Variants in CAPN13 observed in about 807,000 individuals in gnomAD.
The protein encoded by CAPN13 is calpain 13.
In CAPN13, 90 loss-of-function variants were observed where a neutral mutation model predicts 98.4. That is an observed-to-expected ratio of 0.92 (90% CI 0.77 to 1.09). The LOEUF (loss-of-function observed/expected upper bound fraction) is 1.09. CAPN13 is among the 50% of genes least tolerant of loss of function. CAPN13 has a pLI of 0.00. For synonymous variants in CAPN13, 330 were observed against 305.5 expected (o/e 1.08, Z -0.84); for missense variants, 887 against 841.3 (o/e 1.05, Z -0.67).
At chr2:30,767,678 T>C (rs569239754) in intron 5 of CAPN13, among the ~76,000 whole-genome samples, 8 of 152,346 alleles carry the variant, frequency 5.3e-5, no homozygotes, top group African/African-American at 1.7e-4. Flanking sequence ...CAAATGCTAA[T>C]GAGCAGCTGT....
At chr2:30,761,237 G>C (rs539891517) in intron 7 of CAPN13, among the ~76,000 whole-genome samples, 1 of 152,308 alleles carries the variant, frequency 6.6e-6, no homozygotes, top group South Asian at 2.1e-4. Flanking sequence ...GTGGAGCAGG[G>C]ATGGATTACA....
chr2:30,745,641 G>A (rs1671869768), intron 12 of CAPN13, 82 bp downstream of exon 12: 3 of 1,415,860 alleles, frequency 2.1e-6, no homozygotes, highest in South Asian at 2.4e-5. Flanking sequence ...AACACGTGGA[G>A]GCCATGGGCG....
At chr2:30,745,508 C>G (rs554385674) in intron 12 of CAPN13, among the ~76,000 whole-genome samples, 2 of 152,300 alleles carry the variant, frequency 1.3e-5, no homozygotes, top group African/African-American at 4.8e-5. Context: ...AGCAAGAGAA[C>G]AGCTCAAAGG....
chr2:30,799,758 T>C (rs1244539634), intron 1 of CAPN13, among the ~76,000 whole-genome samples: 1 of 151,958 alleles, frequency 6.6e-6, no homozygotes, highest in Non-Finnish European at 1.5e-5. Flanking sequence ...GAAGGAAACC[T>C]CTCTCGTGTC....
chr2:30,764,367 G>T, intron 5 of CAPN13, 61 bp from the exon 6 acceptor site: 1 of 1,556,118 alleles, frequency 6.4e-7, no homozygotes, highest in Non-Finnish European at 8.8e-7. Flanking sequence ...TGGGAGGGGA[G>T]CTTGTGCACT....
At chr2:30,800,120 G>GAA (rs1245756016) in intron 1 of CAPN13, among the ~76,000 whole-genome samples, 1 of 70,784 alleles carries the variant, frequency 1.4e-5, no homozygotes, top group Non-Finnish European at 2.9e-5. Flanking sequence ...AGAAAGAAAA[G>GAA]AAAGAAAGAA....
intron 11 of CAPN13, among the ~76,000 whole-genome samples, chr2:30,749,124 C>T (rs1672055462): frequency 6.6e-6 from 1 of 152,272 alleles, no homozygotes; most frequent in Non-Finnish European, 1.5e-5. Context: ...GCTTTTGAGA[C>T]AATGAATGTG....
chr2:30,746,461 A>T (rs1572806971), intron 11 of CAPN13: 1 of 154,894 alleles, frequency 6.5e-6, no homozygotes, highest in Admixed American at 6.5e-5. Flanking sequence ...CTGTGATAAC[A>T]TTAGAGCTGG....
intron 1 of CAPN13, among the ~76,000 whole-genome samples, chr2:30,794,570 G>A (rs957671791): frequency 1.3e-5 from 2 of 151,712 alleles, no homozygotes; most frequent in African/African-American, 4.8e-5. Context: ...AGAAATGAAA[G>A]CATATGTTCA....
intron 1 of CAPN13, among the ~76,000 whole-genome samples, chr2:30,787,947 G>T (rs554889864): frequency 1.3e-5 from 2 of 152,140 alleles, no homozygotes; most frequent in African/African-American, 4.8e-5. Context: ...GAGGGTGTGG[G>T]CAGGGACTGG....
chr2:30,725,159 A>G (rs1670815141), intron 22 of CAPN13, among the ~76,000 whole-genome samples: 1 of 152,210 alleles, frequency 6.6e-6, no homozygotes, highest in Admixed American at 6.5e-5. Context: ...AGACTCTGAA[A>G]TCAATTAAAA....
intron 10 of CAPN13, among the ~76,000 whole-genome samples, chr2:30,752,357 C>T (rs1024348418): frequency 3.3e-5 from 5 of 152,208 alleles, no homozygotes; most frequent in East Asian, 1.9e-4. Context: ...CACTCTTGTT[C>T]GTCTTCACAG....
intron 7 of CAPN13, among the ~76,000 whole-genome samples, chr2:30,759,028 TTCCC>T (rs1208361450): frequency 2.8e-5 from 2 of 72,028 alleles, no homozygotes; most frequent in African/African-American, 1.2e-4. Flanking sequence ...CTATTCTTCC[TTCCC>T]TCCCTCCCTC....
intron 19 of CAPN13, among the ~76,000 whole-genome samples, chr2:30,733,966 C>T (rs898188923): frequency 1.3e-5 from 2 of 152,144 alleles, no homozygotes; most frequent in Non-Finnish European, 2.9e-5. Context: ...CTTATGCACC[C>T]TAAGGAATTA....
chr2:30,785,964 C>T (rs1424138229), intron 2 of CAPN13, among the ~76,000 whole-genome samples: 1 of 152,152 alleles, frequency 6.6e-6, no homozygotes, highest in Non-Finnish European at 1.5e-5. Context: ...TAAGCAGCAT[C>T]CCAAACCCTA....
At chr2:30,749,532 A>G (rs1475909392) in intron 11 of CAPN13, among the ~76,000 whole-genome samples, 1 of 152,188 alleles carries the variant, frequency 6.6e-6, no homozygotes, top group African/African-American at 2.4e-5. Flanking sequence ...AGCTCAGTCA[A>G]CAGAAACTGA....
intron 17 of CAPN13, among the ~76,000 whole-genome samples, chr2:30,736,936 G>A (rs1397671286): frequency 1.3e-5 from 2 of 152,200 alleles, no homozygotes; most frequent in South Asian, 2.1e-4. Context: ...GCAGCCACAG[G>A]CGAGCACATA....
chr2:30,731,392 G>T lies in CAPN13; in HGVS notation c.1935C>A (p.Phe645Leu), dbSNP rs1349448385. 4.3e-6 allele frequency: 7 copies of T among 1,610,006 alleles called. No homozygotes were observed. In the Admixed American group the frequency reaches 1.0e-4, roughly 23 times the overall value. Reference sequence around the variant, plus strand: ...CTTTTCCATCCTTAGAGAGGTTGCGGAAGGTCTCTAGGATAAAGAAGGGAA... The same window carrying T: ...CTTTTCCATCCTTAGAGAGGTTGCGTAAGGTCTCTAGGATAAAGAAGGGAA... The part of the protein sequence containing the change: ...LMRLEAMAKT[F>L]RNLSKDGKGL... The change falls in exon 21 of 23, where the codon TTC (phenylalanine) becomes TTA (leucine). Residue 645 changes from phenylalanine (F) to leucine (L), a missense_variant. Coordinates refer to ENST00000295055, the MANE Select transcript of CAPN13 (RefSeq NM_144575.3).
At chr2:30,760,820 G>C (rs1188481607) in intron 7 of CAPN13, among the ~76,000 whole-genome samples, 1 of 152,164 alleles carries the variant, frequency 6.6e-6, no homozygotes, top group African/African-American at 2.4e-5. Flanking sequence ...CCAAGGCCAT[G>C]GCTACACCTG....
Sources: allele counts gnomAD v4.1 joint callset (sites outside exome capture counted in the v4.1 genomes callset), GRCh38; gene constraint gnomAD v4.1.1; transcripts MANE v1.5; gene names NCBI Gene and HGNC (gene_info 2026-07-23, HGNC 2026-07-21).